The following GPHN variants were observed in gnomAD, a reference collection of about 807,000 sequenced individuals.
GPHN encodes gephyrin.
In GPHN, 17 loss-of-function variants were observed where a neutral mutation model predicts 95.5. The observed-to-expected ratio is 0.18, with a 90% CI of 0.12 to 0.27. GPHN has a LOEUF of 0.27. Among genes scored for constraint, GPHN ranks in the 10% least tolerant of loss-of-function variants. The pLI, the probability that GPHN is intolerant of heterozygous loss-of-function variation, is 1.00. For missense variants in GPHN, 660 were observed against 978.1 expected, an observed-to-expected ratio of 0.67 and a Z score of 4.34; for synonymous variants, 320 against 322.5, an observed-to-expected ratio of 0.99 and a Z score of 0.08.
At chr14:67,417,577 A>G in the GPHN span, among the ~76,000 whole-genome samples, 1 of 151,712 alleles carries the variant, frequency 6.6e-6, no homozygotes, top group African/African-American at 2.4e-5. Context: ...GACTATATGC[A>G]TGCACCAACA....
intron 8 of GPHN, among the ~76,000 whole-genome samples, chr14:66,931,471 A>C (rs1399761228): frequency 6.6e-6 from 1 of 151,146 alleles, no homozygotes; most frequent in African/African-American, 2.4e-5. Flanking sequence ...CTCTCTCTCT[A>C]CCTTTTCTTT....
intron 9 of GPHN, among the ~76,000 whole-genome samples, chr14:66,982,332 A>T (rs372796294): frequency 6.6e-6 from 1 of 152,122 alleles, no homozygotes; most frequent in African/African-American, 2.4e-5. Context: ...TTTGTTGCAT[A>T]ATATTACTAG....
chr14:67,218,260 G>A, the GPHN span, among the ~76,000 whole-genome samples: 1 of 152,330 alleles, frequency 6.6e-6, no homozygotes, highest in Admixed American at 6.5e-5. Context: ...TCTATGAGTA[G>A]CAGCCTACAG....
At chr14:66,809,533 T>A (rs532450120) in intron 3 of GPHN, among the ~76,000 whole-genome samples, 1 of 152,276 alleles carries the variant, frequency 6.6e-6, no homozygotes, top group African/African-American at 2.4e-5. Context: ...TTAGACAGCT[T>A]CTTAAGAGTC....
At chr14:66,879,009 A>G (rs1343765226) in intron 4 of GPHN, among the ~76,000 whole-genome samples, 1 of 152,186 alleles carries the variant, frequency 6.6e-6, no homozygotes, top group Non-Finnish European at 1.5e-5. Flanking sequence ...CATATACACC[A>G]TGGAATGCTA....
the GPHN span, chr14:67,569,628 G>C: frequency 3.1e-5 from 15 of 479,740 alleles, no homozygotes; most frequent in African/African-American, 2.7e-4. Flanking sequence ...TCCCATAGCC[G>C]TATGATTTGT....
chr14:66,533,230 A>T (rs147455859), intron 1 of GPHN, among the ~76,000 whole-genome samples: 1,858 of 152,290 alleles, frequency 0.012, 49 homozygotes, highest in African/African-American at 0.039. Context: ...TTAATTCAGT[A>T]TCTTGAATAT....
At chr14:67,443,627 A>T in the GPHN span, among the ~76,000 whole-genome samples, 1 of 151,992 alleles carries the variant, frequency 6.6e-6, no homozygotes, top group African/African-American at 2.4e-5. Context: ...TAGGTACCAG[A>T]CACAGTGGTG....
chr14:67,484,957 A>G, the GPHN span, among the ~76,000 whole-genome samples: 1 of 152,206 alleles, frequency 6.6e-6, no homozygotes, highest in Non-Finnish European at 1.5e-5. Flanking sequence ...ATGGCTGTGT[A>G]ATATTCCAGC....
chr14:67,120,477 A>G (rs2078959045), intron 16 of GPHN, among the ~76,000 whole-genome samples: 1 of 152,216 alleles, frequency 6.6e-6, no homozygotes, highest in African/African-American at 2.4e-5. Context: ...TTTTACAGAC[A>G]AATAATGGGT....
chr14:66,945,039 CTTGCTTGGTACTTACCT>C (rs2067662158), intron 8 of GPHN, among the ~76,000 whole-genome samples: 1 of 152,218 alleles, frequency 6.6e-6, no homozygotes, highest in South Asian at 2.1e-4. Flanking sequence ...GATTTTTAGA[CTTGCTTGGTACTTACCT>C]TTTCTCAAGC....
chr14:66,609,432 A>G (rs1220051779), intron 1 of GPHN, among the ~76,000 whole-genome samples: 2 of 152,040 alleles, frequency 1.3e-5, no homozygotes, highest in African/African-American at 4.8e-5. Flanking sequence ...GGGGATGGTC[A>G]TCTTGTATAA....
At chr14:66,766,786 T>C (rs111386437) in intron 2 of GPHN, among the ~76,000 whole-genome samples, 2 of 152,152 alleles carry the variant, frequency 1.3e-5, no homozygotes, top group Non-Finnish European at 2.9e-5. Flanking sequence ...TACATACATA[T>C]GTGCAAACAC....
chr14:67,614,233 G>T, the GPHN span, among the ~76,000 whole-genome samples: 9 of 152,132 alleles, frequency 5.9e-5, no homozygotes, highest in Non-Finnish European at 1.3e-4. Context: ...CACTGCACCT[G>T]GTTCTTTTCT....
the GPHN span, chr14:67,577,187 T>C: frequency 1.4e-6 from 1 of 712,020 alleles, no homozygotes; most frequent in South Asian, 1.7e-5. Context: ...ACAACCCAAG[T>C]GTTGACGGAA....
intron 6 of GPHN, among the ~76,000 whole-genome samples, chr14:66,919,033 A>G (rs1313436397): frequency 6.6e-6 from 1 of 152,132 alleles, no homozygotes; most frequent in Non-Finnish European, 1.5e-5. Flanking sequence ...GTTCTTACCT[A>G]TTCTCTTTTG....
At chr14:66,792,981 TC>T (rs1320777277) in intron 3 of GPHN, among the ~76,000 whole-genome samples, 94 of 152,412 alleles carry the variant, frequency 6.2e-4, no homozygotes, top group African/African-American at 2.1e-3. Flanking sequence ...AAGGCACAGA[TC>T]GCTCATGCTA....
At chr14:67,666,497 TAAAAC>T in the GPHN span, among the ~76,000 whole-genome samples, 2 of 152,188 alleles carry the variant, frequency 1.3e-5, no homozygotes, top group South Asian at 4.1e-4. Flanking sequence ...TTCTAAGATT[TAAAAC>T]AAAACAAAAC....
the GPHN span, among the ~76,000 whole-genome samples, chr14:67,491,095 T>C: frequency 6.6e-6 from 1 of 152,180 alleles, no homozygotes; most frequent in Non-Finnish European, 1.5e-5. Context: ...TTCTGAACAA[T>C]TGGTTACAAA....
Sources: allele counts gnomAD v4.1 joint callset (sites outside exome capture counted in the v4.1 genomes callset), GRCh38; gene constraint gnomAD v4.1.1; transcripts MANE v1.5; gene names NCBI Gene and HGNC (gene_info 2026-07-23, HGNC 2026-07-21).